The following KIF13A variants were observed in gnomAD, a reference collection of about 807,000 sequenced individuals.
KIF13A encodes kinesin family member 13A.
Under a neutral mutation model 212.2 loss-of-function variants are expected in KIF13A, and 79 were observed. That is an observed-to-expected ratio of 0.37 (90% confidence interval 0.31 to 0.45). The LOEUF (loss-of-function observed/expected upper bound fraction) is 0.45, where lower values mean the gene tolerates loss of function less well. Ranked by LOEUF, KIF13A falls within the 20% of genes least tolerant of loss-of-function variation. KIF13A has a pLI of 1.00. For synonymous variants in KIF13A, 789 were observed against 808.6 expected, an observed-to-expected ratio of 0.98 and a Z score of 0.41; for missense variants, 1,901 against 2,209.0, an observed-to-expected ratio of 0.86 and a Z score of 2.79.
downstream of KIF13A, chr6:17,760,350 C>G (rs1400464298): frequency 6.6e-6 from 1 of 152,554 alleles, no homozygotes; most frequent in Non-Finnish European, 1.5e-5. Context: ...AGTCCAGTAC[C>G]TTATGATTTT....
chr6:17,963,308 C>T lies in KIF13A; in HGVS notation c.146+23746G>A, dbSNP rs1429436506. On this transcript the variant is annotated intron_variant, in intron 2 of 38. Transcript: ENST00000259711. This position sits in a 1 kb window ranked among gnomAD's most constrained non-coding sequence, Gnocchi z 4.1. ...TGGCGGGCGCCTGTAGTCCCAGCTA[C>T]TCGGGAGGCTGACGCAGGAGAATCA... is the stretch of plus-strand genomic sequence containing the variant. Among the ~76,000 whole-genome samples, 1 of 152,142 alleles carries T rather than the reference C, an allele frequency of 6.6e-6. No individual in the cohort carries two copies. Among genetic ancestry groups the T allele is most frequent in the Non-Finnish European group, 1.5e-5 (1 of 68,036 alleles).
intron 32 of KIF13A, 112 bp downstream of exon 32, chr6:17,779,480 C>A: frequency 2.0e-6 from 1 of 493,794 alleles, no homozygotes. Context: ...CCATGTTGGT[C>A]AGGCTGGTCT....
rs1765711103 is a variant in KIF13A at position 17,834,100 on chromosome 6, G to A, written c.1156-29C>T. The stretch of plus-strand genomic sequence containing the variant: ...TAAAATGAAATCAGAGATATCTGAT[G>A]TTCAAAATTTTTCCACCATCATATA... On this transcript the variant is annotated intron_variant, in intron 11 of 38. Transcript: ENST00000259711. This position sits in a 1 kb window ranked among gnomAD's most constrained non-coding sequence, Gnocchi z 4.0. 4.9e-6 allele frequency: 7 copies of A among 1,423,382 alleles called. No homozygotes were observed. Among genetic ancestry groups the A allele is most frequent in the South Asian group, 1.3e-5 (1 of 78,042 alleles). 88.2% of individuals were successfully genotyped at this position (1,423,382 alleles called of 1,614,324 possible). A position where few individuals can be genotyped will look rare whatever the true frequency, so the allele number is the denominator to read the frequency against.
In KIF13A at chr6:17,850,634, T is replaced by G. The variant is rs753519712; in HGVS notation, c.583-177A>C. ...TGAGCTTCCACCTCACTCAAGACTT[T>G]GTAATGTATGAAATGTTTCCCTAAT... On this transcript the variant is annotated intron_variant, in intron 7 of 38. Transcript: ENST00000259711. This position sits in a 1 kb window ranked among gnomAD's most constrained non-coding sequence, Gnocchi z 6.2. Among the ~76,000 whole-genome samples the G allele has an allele frequency of 6.6e-6, 1 of 152,226 alleles. No individual in the cohort carries two copies. Among genetic ancestry groups the G allele is most frequent in the Non-Finnish European group, 1.5e-5 (1 of 68,038 alleles).
At chr6:17,970,250 T>C (rs953287237) in intron 2 of KIF13A, among the ~76,000 whole-genome samples, 1 of 151,940 alleles carries the variant, frequency 6.6e-6, no homozygotes, top group Non-Finnish European at 1.5e-5. Context: ...GATTCATGCA[T>C]GCTTTCTTAG....
chr6:17,843,994 G>A lies in KIF13A; in HGVS notation c.830+5383C>T, dbSNP rs1446330487. ...CAGGAGATGGAGGTCGCAGTGAGCC[G>A]AGATCGTGCCACTGTACTCCAGCCT... is the stretch of plus-strand genomic sequence containing the variant. On this transcript the variant is annotated intron_variant, in intron 9 of 38. Coordinates refer to ENST00000259711, the MANE Select transcript of KIF13A (RefSeq NM_022113.6). This position sits in a 1 kb window ranked among gnomAD's most constrained non-coding sequence, Gnocchi z 5.3. Among the ~76,000 whole-genome samples, 1 of 150,106 alleles carries A rather than the reference G, an allele frequency of 6.7e-6. No individual in the cohort carries two copies. Among genetic ancestry groups the A allele is most frequent in the African/African-American group, 2.5e-5 (1 of 40,514 alleles).
chr6:17,941,609 G>A (rs1035427528), intron 2 of KIF13A, among the ~76,000 whole-genome samples: 8 of 152,048 alleles, frequency 5.3e-5, no homozygotes, highest in African/African-American at 1.9e-4. Context: ...GGAGAAGACA[G>A]TCATCTACAA....
intron 26 of KIF13A, among the ~76,000 whole-genome samples, chr6:17,788,323 T>C (rs984427614): frequency 5.3e-5 from 8 of 152,194 alleles, no homozygotes; most frequent in Non-Finnish European, 1.0e-4. Flanking sequence ...AACATAGATT[T>C]TCTGAAATGC....
At chr6:17,818,970 T>C (rs1216569833) in intron 16 of KIF13A, among the ~76,000 whole-genome samples, 4 of 151,566 alleles carry the variant, frequency 2.6e-5, no homozygotes, top group Non-Finnish European at 2.9e-5. Context: ...CTTTGTAGAG[T>C]CCTGACATGA....
chr6:17,763,432 TGCACTGCAGCCTG>T (rs1758679951), downstream of KIF13A, among the ~76,000 whole-genome samples: 1 of 132,098 alleles, frequency 7.6e-6, no homozygotes, highest in Non-Finnish European at 1.5e-5. Flanking sequence ...ATCGTGTCAC[TGCACTGCAGCCTG>T]GGTGACAGAG....
At chr6:17,933,664 G>A (rs1456674887) in intron 2 of KIF13A, among the ~76,000 whole-genome samples, 2 of 151,900 alleles carry the variant, frequency 1.3e-5, no homozygotes, top group East Asian at 1.9e-4. Context: ...TTCCTGACAC[G>A]GGAAAAATAT....
chr6:17,812,312 T>TTTG (rs1333939722), intron 17 of KIF13A: 4 of 152,040 alleles, frequency 2.6e-5, no homozygotes, highest in Admixed American at 6.6e-5. Context: ...TTGGCAGGTT[T>TTTG]TTGTTTTTTT....
chr6:17,902,609 C>A (rs577401283), intron 2 of KIF13A, among the ~76,000 whole-genome samples: 1 of 152,284 alleles, frequency 6.6e-6, no homozygotes, highest in Admixed American at 6.5e-5. Flanking sequence ...TCTGCCGGAT[C>A]ATACCTGCCC....
intron 2 of KIF13A, among the ~76,000 whole-genome samples, chr6:17,923,743 T>C (rs1429811151): frequency 1.3e-5 from 2 of 152,232 alleles, no homozygotes; most frequent in East Asian, 1.9e-4. Flanking sequence ...AAAAGCTTTT[T>C]AGCCCTTTCT....
At chr6:17,852,182 C>T in intron 6 of KIF13A, 140 bp from the exon 7 acceptor site, 1 of 442,422 alleles carries the variant, frequency 2.3e-6, no homozygotes, top group Non-Finnish European at 4.0e-6. Context: ...CTAAAAGCTA[C>T]TTTATTTGGA....
In KIF13A at chr6:17,968,305, T is replaced by C. The variant is rs1170418167; in HGVS notation, c.146+18749A>G. Among the ~76,000 whole-genome samples, 2 of 152,204 alleles carry C rather than the reference T, an allele frequency of 1.3e-5. No individual in the cohort carries two copies. The highest frequency in any genetic ancestry group is 2.9e-5 in the Non-Finnish European group (2 of 68,032). Reference sequence around the variant, plus strand: ...ACAGGCAATGGACTCCAGGTGGAGCTGGAGGAAGAGGCCCTGGCAATCTAC... The same window carrying C: ...ACAGGCAATGGACTCCAGGTGGAGCCGGAGGAAGAGGCCCTGGCAATCTAC... On this transcript the variant is annotated intron_variant, in intron 2 of 38. Transcript: ENST00000259711. The surrounding 1 kb of genome is among the most constrained non-coding windows in gnomAD (Gnocchi z 4.7).
At chr6:17,878,584 CTTAAT>C (rs1299927223) in intron 3 of KIF13A, among the ~76,000 whole-genome samples, 1 of 152,040 alleles carries the variant, frequency 6.6e-6, no homozygotes, top group East Asian at 1.9e-4. Context: ...CCAGGTCAAA[CTTAAT>C]TTAACAATTT....
At chr6:17,797,089 G>C (rs1369320891) in intron 22 of KIF13A, among the ~76,000 whole-genome samples, 2 of 151,542 alleles carry the variant, frequency 1.3e-5, no homozygotes, top group Non-Finnish European at 2.9e-5. Context: ...GAGTGCAGTG[G>C]TGCGATCTCC....
At chr6:17,791,290 G>C (rs1291193984) in intron 25 of KIF13A, among the ~76,000 whole-genome samples, 1 of 151,860 alleles carries the variant, frequency 6.6e-6, no homozygotes, top group Non-Finnish European at 1.5e-5. Context: ...ACTGAAAATT[G>C]GCCTAAGCAT....
Sources: gnomAD v4.1 joint callset for allele counts (sites outside exome capture counted in the v4.1 genomes callset) on GRCh38, gnomAD v4.1.1 for gene constraint, Gnocchi (gnomAD v3.1) non-coding constraint, MANE v1.5 for transcripts, NCBI Gene and HGNC (gene_info 2026-07-23, HGNC 2026-07-21) for gene names.